The following PLCB4 variants were observed in gnomAD, a reference collection of about 807,000 sequenced individuals.
PLCB4 encodes 1-phosphatidylinositol 4,5-bisphosphate phosphodiesterase beta-4.
In PLCB4, 77 loss-of-function variants were observed where a neutral mutation model predicts 178.8. The observed-to-expected ratio is 0.43, with a 90% CI of 0.36 to 0.52. PLCB4 has a LOEUF of 0.52. Among genes scored for constraint, PLCB4 ranks in the 20% least tolerant of loss-of-function variants. The pLI is 0.00. For missense variants in PLCB4, 1,024 were observed against 1,453.4 expected (o/e 0.70, Z 4.80); for synonymous variants, 496 against 490.8 (o/e 1.01, Z -0.14).
At chr20:9,300,700 C>G (rs2094691847) in intron 3 of PLCB4, among the ~76,000 whole-genome samples, 1 of 152,138 alleles carries the variant, frequency 6.6e-6, no homozygotes, top group African/African-American at 2.4e-5. Flanking sequence ...ACTTTTCTCT[C>G]TGTCTTCCTC....
At chr20:9,468,432 G>A in intron 35 of PLCB4, 139 bp from the exon 36 acceptor site, 1 of 638,554 alleles carries the variant, frequency 1.6e-6, no homozygotes, top group Non-Finnish European at 2.8e-6. Context: ...ATGACATTAA[G>A]TACATTCACT....
At chr20:9,410,190 C>A (rs1181801696) in intron 24 of PLCB4, among the ~76,000 whole-genome samples, 1 of 152,166 alleles carries the variant, frequency 6.6e-6, no homozygotes, top group South Asian at 2.1e-4. Context: ...CCCCAGTGAC[C>A]AGAAGCTCCT....
At chr20:9,292,094 A>G (rs372522689) in intron 3 of PLCB4, among the ~76,000 whole-genome samples, 1 of 152,182 alleles carries the variant, frequency 6.6e-6, no homozygotes, top group East Asian at 1.9e-4. Flanking sequence ...CCTTGAATTT[A>G]TGCCTGCTCC....
chr20:9,421,143 G>A (rs981674756), intron 26 of PLCB4, among the ~76,000 whole-genome samples, 154 bp from the exon 27 acceptor site: 1 of 152,060 alleles, frequency 6.6e-6, no homozygotes, highest in African/African-American at 2.4e-5. Context: ...GTTCGATAAT[G>A]TTTTGGTTTG....
intron 3 of PLCB4, among the ~76,000 whole-genome samples, chr20:9,234,040 G>A (rs941660322): frequency 2.6e-5 from 4 of 152,058 alleles, no homozygotes; most frequent in African/African-American, 4.8e-5. Flanking sequence ...AGGTGGTGAC[G>A]TAGAGAAAAT....
At chr20:9,208,079 C>A (rs1465301201) in intron 2 of PLCB4, among the ~76,000 whole-genome samples, 1 of 152,176 alleles carries the variant, frequency 6.6e-6, no homozygotes, top group Admixed American at 6.5e-5. Context: ...GTGTGCTTGG[C>A]CACCATCTTG....
At chr20:9,383,624 C>T (rs946877910) in intron 13 of PLCB4, among the ~76,000 whole-genome samples, 5 of 152,178 alleles carry the variant, frequency 3.3e-5, no homozygotes, top group African/African-American at 1.2e-4. Context: ...TCTCACCAGT[C>T]CCATAACCTG....
intron 3 of PLCB4, among the ~76,000 whole-genome samples, chr20:9,265,934 G>A (rs995375070): frequency 6.6e-6 from 1 of 152,282 alleles, no homozygotes; most frequent in East Asian, 1.9e-4. Context: ...GTTTTAACCA[G>A]CCCTTCAAGA....
At chr20:9,337,921 C>T in intron 5 of PLCB4, 87 bp from the exon 6 acceptor site, 2 of 866,472 alleles carry the variant, frequency 2.3e-6, no homozygotes, top group Non-Finnish European at 3.9e-6. Flanking sequence ...CTGCCTTCAT[C>T]ATCAGAAATT....
rs79735560 is a variant in PLCB4 at position 9,399,420 on chromosome 20, C to T, written c.1511-2070C>T. 6.6e-5 allele frequency among the ~76,000 whole-genome samples: 10 copies of T among 152,326 alleles called. No homozygotes were observed. The South Asian group carries it at 1.2e-3, about 19-fold the overall frequency. ...TAGTGCCACTGTATGAATCTACTAT[C>T]TATGTGTGGCTAGAGTCTCTAATTT... On this transcript the variant is annotated intron_variant, in intron 19 of 39. Transcript: ENST00000378473.
chr20:9,143,654 A>G (rs1303651301), intron 2 of PLCB4, among the ~76,000 whole-genome samples: 1 of 152,086 alleles, frequency 6.6e-6, no homozygotes, highest in Non-Finnish European at 1.5e-5. Context: ...TTTCATTATT[A>G]CTATGATTAT....
intron 2 of PLCB4, among the ~76,000 whole-genome samples, chr20:9,146,066 T>A (rs977777086): frequency 5.3e-5 from 8 of 152,136 alleles, no homozygotes; most frequent in African/African-American, 1.9e-4. Flanking sequence ...CTCCCATGAT[T>A]CAAAATAATT....
intron 1 of PLCB4, among the ~76,000 whole-genome samples, chr20:9,076,325 G>C (rs1217546636): frequency 6.6e-6 from 1 of 152,084 alleles, no homozygotes; most frequent in Non-Finnish European, 1.5e-5. Flanking sequence ...AAATTAGCCG[G>C]GTGTGGTGGC....
At chr20:9,358,623 G>T (rs772984509) in intron 7 of PLCB4, among the ~76,000 whole-genome samples, 1 of 152,132 alleles carries the variant, frequency 6.6e-6, no homozygotes, top group African/African-American at 2.4e-5. Flanking sequence ...GACTGAGCAC[G>T]GTGGCTCACG....
At chr20:9,324,807 A>G (rs2030160687) in intron 4 of PLCB4, among the ~76,000 whole-genome samples, 1 of 152,156 alleles carries the variant, frequency 6.6e-6, no homozygotes. Flanking sequence ...AATATAAGCT[A>G]TTTCAGAAGA....
chr20:9,101,453 G>A (rs545396487), intron 2 of PLCB4, among the ~76,000 whole-genome samples: 72 of 152,180 alleles, frequency 4.7e-4, no homozygotes, highest in Non-Finnish European at 4.3e-4. Flanking sequence ...CATATTTGCC[G>A]TCTTTCCCAG....
Position 9,330,612 on chromosome 20 carries a change from T to C in PLCB4, c.85-6514T>C, listed in dbSNP as rs965856371. 2.0e-5 allele frequency among the ~76,000 whole-genome samples: 3 copies of C among 152,352 alleles called. 1 individual carries two copies. The highest frequency in any genetic ancestry group is 4.4e-5 in the Non-Finnish European group (3 of 68,032). ...ATAATTTAGTCTCCTCTGAACCTTT[T>C]TCCCCCCTTCTCTCTGAAACCGCAT... On this transcript the variant is annotated intron_variant, in intron 4 of 39. Coordinates refer to ENST00000378473, the MANE Select transcript of PLCB4 (RefSeq NM_001377142.1).
intron 26 of PLCB4, 23 bp downstream of exon 26, chr20:9,419,932 G>A (rs1186597737): frequency 7.0e-7 from 1 of 1,435,254 alleles, no homozygotes; most frequent in South Asian, 1.1e-5. Flanking sequence ...CTCATCACAA[G>A]GTAGTATAAA....
chr20:9,151,987 G>A (rs1457747712), intron 2 of PLCB4, among the ~76,000 whole-genome samples: 1 of 152,228 alleles, frequency 6.6e-6, no homozygotes, highest in Non-Finnish European at 1.5e-5. Flanking sequence ...TTATGTTTTG[G>A]CAAAGAGAAT....
Sources: allele counts gnomAD v4.1 joint callset (sites outside exome capture counted in the v4.1 genomes callset), GRCh38; gene constraint gnomAD v4.1.1; transcripts MANE v1.5; gene names NCBI Gene and HGNC (gene_info 2026-07-23, HGNC 2026-07-21).